The following TRPM7 variants were observed in gnomAD, a reference collection of about 807,000 sequenced individuals.
The protein encoded by TRPM7 is transient receptor potential cation channel subfamily M member 7, also known as LTRPC ion channel family member 7.
In TRPM7, 134 loss-of-function variants were observed where a neutral mutation model predicts 229.7. The ratio of observed to expected loss-of-function variants is 0.58; its 90% CI spans 0.51 to 0.67. The LOEUF (loss-of-function observed/expected upper bound fraction) is 0.67, where lower values mean the gene tolerates loss of function less well. Ranked by LOEUF, TRPM7 falls within the 30% of genes least tolerant of loss-of-function variation. The pLI is 0.00. For missense variants in TRPM7, 1,901 were observed against 2,210.0 expected (o/e 0.86, Z 2.80); for synonymous variants, 699 against 715.2 (o/e 0.98, Z 0.36).
At chr15:50,624,736 CAGAA>C (rs61303800) in intron 11 of TRPM7, among the ~76,000 whole-genome samples, 27,502 of 151,978 alleles carry the variant, frequency 0.18, 3,184 homozygotes, top group East Asian at 0.46. Context: ...GAATTCTACT[CAGAA>C]AGAAACTATC....
intron 28 of TRPM7, among the ~76,000 whole-genome samples, chr15:50,585,104 G>T (rs1489696546): frequency 1.5e-5 from 2 of 134,176 alleles, no homozygotes; most frequent in Non-Finnish European, 3.1e-5. Flanking sequence ...GCCCAGGCCG[G>T]ACTGCAGACT....
chr15:50,607,225 G>T lies in TRPM7; in HGVS notation c.2684C>A (p.Thr895Asn). The change falls in exon 20 of 39, where the codon ACT (threonine) becomes AAT (asparagine). Residue 895 changes from threonine (T) to asparagine (N), a missense_variant. Coordinates refer to ENST00000646667, the MANE Select transcript of TRPM7 (RefSeq NM_017672.6). ...CTCACGGACTTTCTCAATGGCATAA[G>T]TAAAAATATAAGCAATAACAATCCA... is the stretch of plus-strand genomic sequence containing the variant. Reference protein sequence around the residue: ...QEWIVIAYIFTYAIEKVREIF... With the variant: ...QEWIVIAYIFNYAIEKVREIF... 1 of 1,610,484 alleles carries T rather than the reference G, an allele frequency of 6.2e-7. No individual in the cohort carries two copies. Among genetic ancestry groups the T allele is most frequent in the Non-Finnish European group, 8.5e-7 (1 of 1,178,630 alleles).
intron 38 of TRPM7, 95 bp from the exon 39 acceptor site, chr15:50,561,903 T>G (rs2053330938): frequency 7.8e-7 from 1 of 1,278,672 alleles, no homozygotes; most frequent in African/African-American, 1.5e-5. Context: ...AACCTTTTAT[T>G]TTCTTTTCAA....
rs1393503671 is a variant in TRPM7, at chr15:50,569,932, C to A, written c.5422G>T (p.Ala1808Ser). 6.2e-7 allele frequency: 1 copy of A among 1,612,362 alleles called. No homozygotes were observed. Among genetic ancestry groups the A allele is most frequent in the Non-Finnish European group, 8.5e-7 (1 of 1,179,240 alleles). ...LGEDAIKNFR[A>S]KHHCNSCCRK... ...CAGCAAGAATTACAGTGATGTTTTG[C>A]TCTGAAGTTTTTAATTGCATCTTCT... Residue 1808 changes from alanine to serine, a missense_variant, in exon 38 of 39, where the codon GCA becomes TCA. By Grantham distance (99) the Ala-to-Ser change is moderately conservative. Coordinates refer to ENST00000646667, the MANE Select transcript of TRPM7 (RefSeq NM_017672.6).
chr15:50,599,549 G>C (rs4537960), intron 21 of TRPM7: 8,535 of 312,692 alleles, frequency 0.027, 165 homozygotes, highest in Middle Eastern at 0.041. Context: ...ATAATGAATT[G>C]TATCACTGGT....
At chr15:50,591,451 T>C (rs1282844364) in intron 26 of TRPM7, among the ~76,000 whole-genome samples, 3 of 152,106 alleles carry the variant, frequency 2.0e-5, no homozygotes, top group Non-Finnish European at 4.4e-5. Flanking sequence ...AATATAACTC[T>C]TATAGCCTAA....
chr15:50,634,384 T>TCC lies in TRPM7; in HGVS notation c.1003_1004dup (p.Gly336GlufsTer34). The TCC allele has an allele frequency of 6.4e-7, 1 of 1,551,452 alleles. No individual in the cohort carries two copies. Among genetic ancestry groups the TCC allele is most frequent in the Non-Finnish European group, 8.7e-7 (1 of 1,154,990 alleles). Reference sequence around the variant, plus strand: ...TTAAAATGTTGTCATACACTTACCCTCCTTCTTCTGTTTGTTTATGAATAT... The same window carrying TCC: ...TTAAAATGTTGTCATACACTTACCCTCCCCTTCTTCTGTTTGTTTATGAATAT... On this transcript the variant is annotated frameshift_variant, in exon 8 of 39. Transcript: ENST00000646667. LOFTEE classifies it high-confidence loss of function.
rs759292962 is a variant in TRPM7 at position 50,613,783 on chromosome 15, A to G, written c.1694T>C (p.Phe565Ser). 3.7e-6 allele frequency: 6 copies of G among 1,614,056 alleles called. No individual in the cohort carries two copies. Among genetic ancestry groups the G allele is most frequent in the Non-Finnish European group, 4.2e-6 (5 of 1,179,998 alleles). Residue 565 changes from phenylalanine to serine, a missense_variant, in exon 15 of 39, where the codon TTT becomes TCT. This residue lies in a region of TRPM7 where 794 missense variants were observed against 881.9 expected (regional missense o/e 0.90). Transcript: ENST00000646667. ...TPQLRKSHES[F>S]GNRADKKEKM... ...TTCCTTTTTATCTGCCCTATTGCCA[A>G]AAGATTCATGACTCTTTCGCAACTG...
chr15:50,680,845 C>T (rs573165871), intron 1 of TRPM7, among the ~76,000 whole-genome samples: 1 of 152,330 alleles, frequency 6.6e-6, no homozygotes, highest in Admixed American at 6.5e-5. Context: ...TCAACACCTA[C>T]TCTACCACTT....
Position 50,597,199 on chromosome 15 carries a change from GA to G in TRPM7, c.3164-819del, listed in dbSNP as rs552359941. Among the ~76,000 whole-genome samples, 1,148 of 152,232 alleles carry G rather than the reference GA, an allele frequency of 7.5e-3. 21 individuals carry two copies. Among genetic ancestry groups the G allele is most frequent in the Non-Finnish European group, 5.8e-3 (396 of 68,022 alleles). The stretch of plus-strand genomic sequence containing the variant: ...TCCTTGTTTTTCATTACCCCTAACT[GA>G]AAAATTTCTGAAGCCAGAACATAGC... On this transcript the variant is annotated intron_variant, in intron 22 of 38. Coordinates refer to ENST00000646667, the MANE Select transcript of TRPM7 (RefSeq NM_017672.6).
intron 5 of TRPM7, among the ~76,000 whole-genome samples, chr15:50,642,781 C>T (rs954832008): frequency 6.6e-5 from 10 of 151,990 alleles, no homozygotes; most frequent in African/African-American, 2.2e-4. Context: ...GTGAATGTTC[C>T]AGTAAATCTT....
rs2062365970 is a variant in TRPM7, at chr15:50,686,620, G to C, written c.-87C>G. ...TAGCCATCTATCGGGAAGCGTCTCC[G>C]GAGGCGGCAGCAGAGGCCGCCGGAC... On this transcript the variant is annotated 5_prime_UTR_variant, in exon 1 of 39. Transcript: ENST00000646667. 5 of 1,560,572 alleles carry C rather than the reference G, an allele frequency of 3.2e-6. No individual in the cohort carries two copies. Among genetic ancestry groups the C allele is most frequent in the East Asian group, 2.4e-5 (1 of 42,424 alleles).
At position 50,611,198 on chromosome 15, in the gene TRPM7, T is replaced by C. The variant is rs771225996; in HGVS notation, c.2175A>G (p.Ala725=). The C allele has an allele frequency of 2.5e-6, 4 of 1,613,910 alleles. No homozygotes were observed. In the Admixed American group the frequency reaches 6.7e-5, roughly 27 times the overall value. Residue 725 remains alanine (A), a synonymous_variant, in exon 17 of 39, where the codon GCA becomes GCG. Transcript: ENST00000646667. ...CAAAAGGTCTAAGTCTTGAAGAAACTGCTAACTTAAGGCAGGTTGAATTAC... is the reference window on the plus strand; with the variant it reads ...CAAAAGGTCTAAGTCTTGAAGAAACCGCTAACTTAAGGCAGGTTGAATTAC... ...NWSNSTCLKL[A]VSSRLRPFVA...
chr15:50,673,058 T>C (rs1364047113), intron 1 of TRPM7, among the ~76,000 whole-genome samples: 7 of 146,956 alleles, frequency 4.8e-5, no homozygotes, highest in Non-Finnish European at 1.0e-4. Flanking sequence ...TACAGTAAGC[T>C]AGCGTTAATT....
intron 3 of TRPM7, among the ~76,000 whole-genome samples, chr15:50,654,576 C>A (rs1357543598): frequency 6.6e-6 from 1 of 151,532 alleles, no homozygotes; most frequent in African/African-American, 2.4e-5. Flanking sequence ...TATAAATATG[C>A]TGAAGGGCAT....
At chr15:50,681,225 TG>T (rs1277465269) in intron 1 of TRPM7, among the ~76,000 whole-genome samples, 2 of 150,778 alleles carry the variant, frequency 1.3e-5, no homozygotes, top group Admixed American at 1.3e-4. Context: ...CACTTCAGCC[TG>T]GATGACCGAG....
intron 21 of TRPM7, among the ~76,000 whole-genome samples, chr15:50,601,026 T>C (rs560541519): frequency 8.2e-4 from 124 of 152,144 alleles, no homozygotes; most frequent in African/African-American, 2.7e-3. Context: ...ATAAACAAAA[T>C]ATTGCAAAAC....
chr15:50,635,394 T>C (rs1017838642), intron 7 of TRPM7, among the ~76,000 whole-genome samples: 2 of 136,882 alleles, frequency 1.5e-5, no homozygotes. Flanking sequence ...AAAAAAGAAA[T>C]GGCTCACGCC....
chr15:50,639,657 C>G, intron 5 of TRPM7, 109 bp from the exon 6 acceptor site: 1 of 962,454 alleles, frequency 1.0e-6, no homozygotes, highest in African/African-American at 1.7e-5. Flanking sequence ...GCCTCAAACT[C>G]CTGGACTCAA....
Sources: allele counts gnomAD v4.1 joint callset (sites outside exome capture counted in the v4.1 genomes callset), GRCh38; gene constraint gnomAD v4.1.1; regional missense constraint gnomAD v4.1.1; transcripts MANE v1.5; gene names NCBI Gene and HGNC (gene_info 2026-07-23, HGNC 2026-07-21).